BOLL: variants seen among roughly 807,000 people sequenced by gnomAD.
BOLL encodes the protein boule RNA binding protein.
Under a neutral mutation model 44.4 loss-of-function variants are expected in BOLL, and 23 were observed. The ratio of observed to expected loss-of-function variants is 0.52; its 90% CI spans 0.37 to 0.73. The LOEUF is 0.73. Ranked by LOEUF, BOLL falls within the 30% of genes least tolerant of loss-of-function variation. BOLL has a pLI of 0.00. For synonymous variants in BOLL, 97 were observed against 110.8 expected, an observed-to-expected ratio of 0.88 and a Z score of 0.78; for missense variants, 287 against 338.3, an observed-to-expected ratio of 0.85 and a Z score of 1.19.
chr2:197,749,426 A>T (rs576069152), intron 9 of BOLL, among the ~76,000 whole-genome samples: 1 of 152,172 alleles, frequency 6.6e-6, no homozygotes, highest in Admixed American at 6.5e-5. Context: ...GAGGTGGGTA[A>T]TAAACTCTTC....
At chr2:197,783,440 C>G (rs188868685) in intron 1 of BOLL, among the ~76,000 whole-genome samples, 4 of 152,212 alleles carry the variant, frequency 2.6e-5, no homozygotes, top group Non-Finnish European at 4.4e-5. Context: ...AATACAATCA[C>G]AATCCCTAAA....
intron 1 of BOLL, among the ~76,000 whole-genome samples, chr2:197,783,928 A>G (rs768521814): frequency 1.3e-5 from 2 of 152,192 alleles, no homozygotes; most frequent in African/African-American, 2.4e-5. Flanking sequence ...AAGATGTACT[A>G]ATATGTTCGC....
intron 7 of BOLL, among the ~76,000 whole-genome samples, chr2:197,765,222 G>T (rs1047183444): frequency 1.3e-5 from 2 of 151,900 alleles, no homozygotes; most frequent in Admixed American, 1.3e-4. Flanking sequence ...ACTACAAATT[G>T]TGTTCACTGT....
intron 10 of BOLL, among the ~76,000 whole-genome samples, chr2:197,734,522 C>CTTGT (rs1687379858): frequency 6.6e-6 from 1 of 151,932 alleles, no homozygotes; most frequent in Non-Finnish European, 1.5e-5. Flanking sequence ...ATGTTTATCA[C>CTTGT]GGCACTATTC....
intron 8 of BOLL, 122 bp downstream of exon 8, chr2:197,757,231 A>G (rs1379785354): frequency 1.3e-6 from 1 of 750,488 alleles, no homozygotes; most frequent in Middle Eastern, 3.8e-4. Context: ...AACTGCCAAA[A>G]GAATAAGTTA....
Position 197,739,839 on chromosome 2 carries a change from T to C in BOLL, c.828+3222A>G, listed in dbSNP as rs182089581. Among the ~76,000 whole-genome samples, 380 of 152,348 alleles carry C rather than the reference T, an allele frequency of 2.5e-3. 1 individual carries two copies. Among genetic ancestry groups the C allele is most frequent in the Non-Finnish European group, 4.0e-3 (271 of 68,030 alleles). ...ACCACTCCATCCTCTATTCAAATTATTCAATTTGTATAATTGTATAAATTA... is the reference window on the plus strand; with the variant it reads ...ACCACTCCATCCTCTATTCAAATTACTCAATTTGTATAATTGTATAAATTA... On this transcript the variant is annotated intron_variant, in intron 10 of 10. Coordinates refer to ENST00000392296, the MANE Select transcript of BOLL (RefSeq NM_033030.6).
chr2:197,749,559 A>C (rs768110329), intron 9 of BOLL, among the ~76,000 whole-genome samples: 2 of 152,022 alleles, frequency 1.3e-5, no homozygotes, highest in African/African-American at 2.4e-5. Flanking sequence ...ATGGAACTGA[A>C]AAACACAGCA....
intron 10 of BOLL, among the ~76,000 whole-genome samples, chr2:197,732,337 G>C (rs1025554755): frequency 2.0e-5 from 3 of 151,986 alleles, no homozygotes; most frequent in African/African-American, 7.3e-5. Flanking sequence ...CAACCAAAAA[G>C]AGTCCAGGAC....
intron 10 of BOLL, among the ~76,000 whole-genome samples, chr2:197,736,759 A>C (rs1687513531): frequency 1.3e-5 from 2 of 152,100 alleles, no homozygotes; most frequent in Admixed American, 1.3e-4. Context: ...TGTAAATTCA[A>C]GTCACAGTGT....
At position 197,759,137 on chromosome 2, in the gene BOLL, A is replaced by G. The variant is rs552495544; in HGVS notation, c.553-1737T>C. 1.2e-5 allele frequency: 9 copies of G among 726,702 alleles called. No individual in the cohort carries two copies. The East Asian group carries it at 2.2e-4, about 17-fold the overall frequency. The allele number at this position is 726,702 out of a possible 1,614,324, so 45.0% of individuals were successfully genotyped here. ...AAAGAATAAACAGCTACAATTTGAC[A>G]GGAGCATCAAAAGGAGAGTGCTGGA... On this transcript the variant is annotated intron_variant, in intron 7 of 10. Coordinates refer to ENST00000392296, the MANE Select transcript of BOLL (RefSeq NM_033030.6).
intron 10 of BOLL, among the ~76,000 whole-genome samples, chr2:197,730,557 CAGAG>C (rs1687112936): frequency 6.7e-6 from 1 of 150,004 alleles, no homozygotes; most frequent in African/African-American, 2.5e-5. Context: ...TGAGGGCAGC[CAGAG>C]AGAAAGGTCG....
chr2:197,778,409 T>C (rs188602041), intron 3 of BOLL, among the ~76,000 whole-genome samples: 130 of 152,088 alleles, frequency 8.5e-4, no homozygotes, highest in African/African-American at 3.0e-3. Flanking sequence ...TTCTGAAATT[T>C]GGCTTTGTAC....
chr2:197,785,852 C>T, upstream of BOLL: 2 of 819,206 alleles, frequency 2.4e-6, no homozygotes, highest in Admixed American at 2.0e-5. This position sits in a 1 kb window ranked among gnomAD's most constrained non-coding sequence, Gnocchi z 6.7. Context: ...GGCACCTGGC[C>T]ACGTTTCTTC....
intron 10 of BOLL, 23 bp downstream of exon 10, chr2:197,743,038 A>T (rs750750648): frequency 6.6e-7 from 1 of 1,524,564 alleles, no homozygotes; most frequent in Admixed American, 2.1e-5. Context: ...AAACAAAGTA[A>T]AAAGTCAAAA....
chr2:197,781,610 T>A lies in BOLL; in HGVS notation c.129+112A>T, dbSNP rs1012521524. ...TTCTTTATAATAAGATAATTCAAAATCTGTTAATCATTATGCAAATATGTT... is the reference window on the plus strand; with the variant it reads ...TTCTTTATAATAAGATAATTCAAAAACTGTTAATCATTATGCAAATATGTT... On this transcript the variant is annotated intron_variant, in intron 2 of 10. Coordinates refer to ENST00000392296, the MANE Select transcript of BOLL (RefSeq NM_033030.6). The A allele has an allele frequency of 1.4e-4, 155 of 1,080,522 alleles. 2 individuals carry two copies. In the Admixed American group the frequency reaches 4.0e-3, roughly 28 times the overall value. The allele number at this position is 1,080,522 out of a possible 1,614,324, so 66.9% of individuals were successfully genotyped here.
chr2:197,756,604 T>A (rs945549495), intron 8 of BOLL, 48 bp from the exon 9 acceptor site: 1 of 1,506,420 alleles, frequency 6.6e-7, no homozygotes, highest in Non-Finnish European at 9.0e-7. Context: ...TAGTTATTTC[T>A]GTTAAACCAA....
chr2:197,748,785 G>C (rs1245186441), intron 9 of BOLL, among the ~76,000 whole-genome samples: 1 of 152,232 alleles, frequency 6.6e-6, no homozygotes, highest in African/African-American at 2.4e-5. Context: ...AACACCTGGG[G>C]GAAGGGGCAG....
intron 9 of BOLL, among the ~76,000 whole-genome samples, chr2:197,751,221 C>G (rs146934917): frequency 6.6e-6 from 1 of 152,172 alleles, no homozygotes; most frequent in South Asian, 2.1e-4. Flanking sequence ...GACACCCTAA[C>G]ATTACAATTA....
At chr2:197,766,286 C>CACTGAA (rs1335068210) in intron 7 of BOLL, among the ~76,000 whole-genome samples, 4 of 152,134 alleles carry the variant, frequency 2.6e-5, no homozygotes, top group African/African-American at 9.7e-5. Context: ...AATTTACACT[C>CACTGAA]CAACCAACAG....
Sources: gnomAD v4.1 joint callset for allele counts (sites outside exome capture counted in the v4.1 genomes callset) on GRCh38, gnomAD v4.1.1 for gene constraint, Gnocchi (gnomAD v3.1) non-coding constraint, MANE v1.5 for transcripts, NCBI Gene and HGNC (gene_info 2026-07-23, HGNC 2026-07-21) for gene names.